Variants in PDE1B observed in about 807,000 individuals in gnomAD.
The protein encoded by PDE1B is phosphodiesterase 1B.
In PDE1B, 13 loss-of-function variants were observed where a neutral mutation model predicts 66.7. That is an observed-to-expected ratio of 0.19 (90% CI 0.13 to 0.31). PDE1B has a LOEUF of 0.31. PDE1B is among the 10% of genes least tolerant of loss of function. PDE1B has a pLI of 1.00. For missense variants in PDE1B, 485 were observed against 682.3 expected (o/e 0.71, Z 3.22); for synonymous variants, 230 against 253.9 (o/e 0.91, Z 0.90).
At chr12:54,567,125 C>A in intron 3 of PDE1B, 38 bp downstream of exon 3, 2 of 1,067,920 alleles carry the variant, frequency 1.9e-6, no homozygotes, top group South Asian at 1.3e-5. Flanking sequence ...AGAAAGATGT[C>A]AGACATAGTG....
intron 6 of PDE1B, chr12:54,571,241 C>T (rs1957610898): frequency 6.6e-6 from 1 of 152,234 alleles, no homozygotes; most frequent in Non-Finnish European, 1.5e-5. Flanking sequence ...TTCCTTCACC[C>T]TTGACTCCTC....
chr12:54,568,507 C>T (rs958606754), intron 3 of PDE1B, among the ~76,000 whole-genome samples: 6 of 123,944 alleles, frequency 4.8e-5, no homozygotes, highest in Non-Finnish European at 1.1e-4. Flanking sequence ...CACACACACA[C>T]ACACGGTTTC....
chr12:54,567,113 G>A, intron 3 of PDE1B, 26 bp downstream of exon 3: 1 of 1,183,588 alleles, frequency 8.4e-7, no homozygotes, highest in South Asian at 1.3e-5. Context: ...AGACAGAGAA[G>A]GAGAAAGATG....
chr12:54,576,109 G>A lies in PDE1B; in HGVS notation c.1376+9G>A. 1 of 1,537,762 alleles carries A rather than the reference G, an allele frequency of 6.5e-7. No individual in the cohort carries two copies. On this transcript the variant is annotated intron_variant, in intron 13 of 15. Coordinates refer to ENST00000243052, the MANE Select transcript of PDE1B (RefSeq NM_000924.4). The stretch of plus-strand genomic sequence containing the variant: ...TCTAAAAACCAGCCCAGGTGAGGGT[G>A]GCTGGGGTAGCCAGATATCTTGGTT...
At chr12:54,553,232 T>C (rs1957302386) in intron 2 of PDE1B, among the ~76,000 whole-genome samples, 1 of 152,156 alleles carries the variant, frequency 6.6e-6, no homozygotes, top group Admixed American at 6.6e-5. Flanking sequence ...TTTAGGGGGG[T>C]TATATACATA....
rs906612157 is a variant in PDE1B, at chr12:54,569,840, C to T, written c.477+228C>T. 5.9e-5 allele frequency among the ~76,000 whole-genome samples: 9 copies of T among 152,046 alleles called. No individual in the cohort carries two copies. The highest frequency in any genetic ancestry group is 1.9e-4 in the African/African-American group (8 of 41,400). The stretch of plus-strand genomic sequence containing the variant: ...TCAGCCTCCTGAGTAGCTGGGATTA[C>T]AGGTGCCCACCACCATGCCCAGCTA... On this transcript the variant is annotated intron_variant, in intron 5 of 15. Transcript: ENST00000243052. The surrounding 1 kb of genome is among the most constrained non-coding windows in gnomAD (Gnocchi z 4.4).
intron 2 of PDE1B, among the ~76,000 whole-genome samples, chr12:54,551,687 C>A (rs948131378): frequency 6.6e-6 from 1 of 152,130 alleles, no homozygotes; most frequent in African/African-American, 2.4e-5. Context: ...CACTATCTCC[C>A]ACACATTTCT....
At chr12:54,567,225 C>A (rs1957530751) in intron 3 of PDE1B, 138 bp downstream of exon 3, 2 of 518,374 alleles carry the variant, frequency 3.9e-6, no homozygotes, top group Admixed American at 3.4e-5. Flanking sequence ...ATATAAAGAG[C>A]TCTAGGTAGT....
At position 54,575,014 on chromosome 12, in the gene PDE1B, G is replaced by A; in HGVS notation, c.1065-84G>A. 1 of 1,130,744 alleles carries A rather than the reference G, an allele frequency of 8.8e-7. No individual in the cohort carries two copies. The highest frequency in any genetic ancestry group is 1.3e-6 in the Non-Finnish European group (1 of 768,658). 70.0% of individuals were successfully genotyped at this position (1,130,744 alleles called of 1,614,324 possible). On this transcript the variant is annotated intron_variant, in intron 10 of 15. Coordinates refer to ENST00000243052, the MANE Select transcript of PDE1B (RefSeq NM_000924.4). This position sits in a 1 kb window ranked among gnomAD's most constrained non-coding sequence, Gnocchi z 4.0. ...AAAAAGGAAGAAGTTATGTGATAGG[G>A]TGTGCGTGGGAAGTTAGGGAATGGT...
Position 54,549,691 on chromosome 12 carries a change from A to G in PDE1B, c.-95A>G. The G allele has an allele frequency of 2.0e-6, 1 of 489,442 alleles. No homozygotes were observed. Among genetic ancestry groups the G allele is most frequent in the South Asian group, 3.2e-5 (1 of 31,280 alleles). 30.3% of individuals were successfully genotyped at this position (489,442 alleles called of 1,614,324 possible). A position where few individuals can be genotyped will look rare whatever the true frequency, so the allele number is the denominator to read the frequency against. On this transcript the variant is annotated 5_prime_UTR_variant, in exon 1 of 16. Coordinates refer to ENST00000243052, the MANE Select transcript of PDE1B (RefSeq NM_000924.4). ...CCAAAGCTCGGCTGGGCAGCGGGAG[A>G]GGAGGAGCCGCAGGAGCTGCAGCTC...
chr12:54,566,037 T>G (rs1957509256), intron 2 of PDE1B, among the ~76,000 whole-genome samples: 1 of 152,192 alleles, frequency 6.6e-6, no homozygotes, highest in South Asian at 2.1e-4. Flanking sequence ...AAAGGAATAT[T>G]TAACTGCTTT....
rs373143711 is a variant in PDE1B, at chr12:54,575,956, G to T, written c.1268-36G>T. 2 of 1,409,766 alleles carry T rather than the reference G, an allele frequency of 1.4e-6. No individual in the cohort carries two copies. Among genetic ancestry groups the T allele is most frequent in the Non-Finnish European group, 2.0e-6 (2 of 994,310 alleles). The allele number at this position is 1,409,766 out of a possible 1,614,324, so 87.3% of individuals were successfully genotyped here. A position where few individuals can be genotyped will look rare whatever the true frequency, so the allele number is the denominator to read the frequency against. On this transcript the variant is annotated intron_variant, in intron 12 of 15. Transcript: ENST00000243052. The surrounding 1 kb of genome is among the most constrained non-coding windows in gnomAD (Gnocchi z 4.0). Reference sequence around the variant, plus strand: ...GCTCTGCCTAGCCCTCCAGATAATAGTAAGACATCTCTACGGCATTGCTCC... The same window carrying T: ...GCTCTGCCTAGCCCTCCAGATAATATTAAGACATCTCTACGGCATTGCTCC...
intron 2 of PDE1B, among the ~76,000 whole-genome samples, chr12:54,565,338 C>T (rs1203620000): frequency 2.6e-5 from 4 of 152,294 alleles, no homozygotes; most frequent in Admixed American, 6.5e-5. Flanking sequence ...GGGGACTGAT[C>T]GGCAGAGGGA....
In PDE1B at chr12:54,575,076, C is replaced by A. The variant is rs765370812; in HGVS notation, c.1065-22C>A. 31 of 1,611,242 alleles carry A rather than the reference C, an allele frequency of 1.9e-5. No individual in the cohort carries two copies. The highest frequency in any genetic ancestry group is 1.0e-4 in the Admixed American group (6 of 59,860). On this transcript the variant is annotated intron_variant, in intron 10 of 15. Transcript: ENST00000243052. This position sits in a 1 kb window ranked among gnomAD's most constrained non-coding sequence, Gnocchi z 4.0. The stretch of plus-strand genomic sequence containing the variant: ...TTTCCTAAAAGATCAGTCTCCCTTC[C>A]CTTGCCATCTGCCCCAACCAGGATT...
chr12:54,550,594 C>T (rs1489605277), intron 2 of PDE1B, among the ~76,000 whole-genome samples: 1 of 116,952 alleles, frequency 8.6e-6, no homozygotes, highest in Non-Finnish European at 1.8e-5. Context: ...GATGAGGGGA[C>T]CCACGTGGAA....
intron 1 of PDE1B, 31 bp from the exon 2 acceptor site, chr12:54,549,829 C>T: frequency 6.8e-7 from 1 of 1,471,782 alleles, no homozygotes; most frequent in Non-Finnish European, 9.5e-7. Flanking sequence ...GAAGCTGAGC[C>T]GAGGTGCTGT....
At chr12:54,577,609 A>G in intron 15 of PDE1B, 1 of 1,464,224 alleles carries the variant, frequency 6.8e-7, no homozygotes, top group Admixed American at 2.3e-5. Flanking sequence ...GCCAGGTGAC[A>G]GCTAACCTGC....
chr12:54,552,451 T>G (rs1202068527), intron 2 of PDE1B, among the ~76,000 whole-genome samples: 2 of 152,224 alleles, frequency 1.3e-5, no homozygotes, highest in Non-Finnish European at 1.5e-5. Context: ...TCTAGATTCT[T>G]CTACTCAACA....
At chr12:54,552,517 C>T (rs2121021547) in intron 2 of PDE1B, among the ~76,000 whole-genome samples, 1 of 152,282 alleles carries the variant, frequency 6.6e-6, no homozygotes, top group African/African-American at 2.4e-5. Context: ...TCCAGACTTT[C>T]TTCAGGGAGA....
Sources: gnomAD v4.1 joint callset for allele counts (sites outside exome capture counted in the v4.1 genomes callset) on GRCh38, gnomAD v4.1.1 for gene constraint, Gnocchi (gnomAD v3.1) non-coding constraint, MANE v1.5 for transcripts, NCBI Gene and HGNC (gene_info 2026-07-23, HGNC 2026-07-21) for gene names.